Variants in ADAM32 observed in about 807,000 individuals in gnomAD.
ADAM32 encodes the protein disintegrin and metalloproteinase domain-containing protein 32.
In ADAM32, 89 loss-of-function variants were observed where a neutral mutation model predicts 114.9. The ratio of observed to expected loss-of-function variants is 0.77; its 90% CI spans 0.65 to 0.92. ADAM32 has a LOEUF of 0.92. Ranked by LOEUF, ADAM32 falls within the 40% of genes least tolerant of loss-of-function variation. The pLI, the probability that ADAM32 is intolerant of heterozygous loss-of-function variation, is 0.00. For missense variants in ADAM32, 870 were observed against 932.8 expected (o/e 0.93, Z 0.88); for synonymous variants, 285 against 307.5 (o/e 0.93, Z 0.77).
chr8:39,167,900 AC>A (rs1804943253), intron 9 of ADAM32: 1 of 152,074 alleles, frequency 6.6e-6, no homozygotes, highest in African/African-American at 2.4e-5. Flanking sequence ...GTATCCGGAA[AC>A]TTTGCTGAAT....
In ADAM32 at chr8:39,164,750, A is replaced by T. The variant is rs752980995; in HGVS notation, c.595-14A>T. ...TAATTTGTACTTAAATATAAAATTAATTCTGTTTTTCAGTATGATTACTGG... is the reference window on the plus strand; with the variant it reads ...TAATTTGTACTTAAATATAAAATTATTTCTGTTTTTCAGTATGATTACTGG... On this transcript the variant is annotated splice_polypyrimidine_tract_variant and intron_variant, in intron 7 of 24. Transcript: ENST00000379907. The T allele has an allele frequency of 2.6e-6, 4 of 1,546,926 alleles. No individual in the cohort carries two copies. Among genetic ancestry groups the T allele is most frequent in the African/African-American group, 1.4e-5 (1 of 72,656 alleles).
chr8:39,211,174 T>G lies in ADAM32; in HGVS notation c.1083T>G (p.Ser361Arg), dbSNP rs754204935. The change falls in exon 12 of 25, where the codon AGT becomes AGG. Residue 361 changes from serine (S) to arginine (R), a missense_variant. Transcript: ENST00000379907. The part of the protein sequence containing the change: ...VQSNGVKTFS[S>R]CSLRSFQNFI... The stretch of plus-strand genomic sequence containing the variant: ...CCAATGGTGTGAAGACTTTTAGCAG[T>G]TGCAGTTTGAGGAGCTTTCAAAATT... The G allele has an allele frequency of 6.2e-7, 1 of 1,602,086 alleles. No homozygotes were observed. The highest frequency in any genetic ancestry group is 1.7e-5 in the Admixed American group (1 of 57,750).
In ADAM32 at chr8:39,223,226, G is replaced by C; in HGVS notation, c.1513G>C (p.Val505Leu). ...CHDLDARCESVFGKGSRNAPF... is the reference protein window; with the variant it reads ...CHDLDARCESLFGKGSRNAPF... ...TGATCTCGATGCACGTTGTGAGAGT[G>C]TATTTGGAAAAGGTAATATCTTTTT... The change falls in exon 14 of 25, where the codon GTA becomes CTA. Residue 505 changes from valine (V) to leucine (L), a missense_variant. Transcript: ENST00000379907. The C allele has an allele frequency of 6.3e-7, 1 of 1,578,582 alleles. No homozygotes were observed. Among genetic ancestry groups the C allele is most frequent in the Non-Finnish European group, 8.6e-7 (1 of 1,164,684 alleles).
At chr8:39,138,018 T>C (rs1337641440) in intron 3 of ADAM32, among the ~76,000 whole-genome samples, 1 of 152,150 alleles carries the variant, frequency 6.6e-6, no homozygotes, top group Non-Finnish European at 1.5e-5. Flanking sequence ...GGATAGGGCA[T>C]GTGTATATCG....
intron 19 of ADAM32, among the ~76,000 whole-genome samples, chr8:39,260,484 G>A (rs2129450847): frequency 6.6e-6 from 1 of 152,148 alleles, no homozygotes; most frequent in East Asian, 1.9e-4. Flanking sequence ...CTTTTGTTAT[G>A]TTGAGGTATA....
At chr8:39,221,753 A>G in intron 13 of ADAM32, 51 bp downstream of exon 13, 2 of 1,396,770 alleles carry the variant, frequency 1.4e-6, no homozygotes, top group Non-Finnish European at 2.0e-6. Context: ...AATCATGTGC[A>G]GGGTACTTTA....
intron 14 of ADAM32, among the ~76,000 whole-genome samples, chr8:39,231,489 A>G (rs2129449277): frequency 6.6e-6 from 1 of 152,330 alleles, no homozygotes; most frequent in South Asian, 2.1e-4. Context: ...GTCCATGACA[A>G]TAAATGGGTG....
At chr8:39,283,300 T>C (rs1247902364) in intron 23 of ADAM32, among the ~76,000 whole-genome samples, 1 of 151,360 alleles carries the variant, frequency 6.6e-6, no homozygotes, top group Admixed American at 6.6e-5. Flanking sequence ...GCCTTAGATA[T>C]TTGGGAGGCT....
At chr8:39,187,550 C>A (rs548052532) in intron 11 of ADAM32, among the ~76,000 whole-genome samples, 21 of 152,296 alleles carry the variant, frequency 1.4e-4, no homozygotes, top group South Asian at 8.3e-4. Context: ...GGATTACAGG[C>A]GTGAGCCACC....
At chr8:39,198,917 G>GT (rs949713771) in intron 11 of ADAM32, among the ~76,000 whole-genome samples, 7 of 151,964 alleles carry the variant, frequency 4.6e-5, no homozygotes, top group African/African-American at 9.6e-5. Context: ...CAAATTCTTT[G>GT]TTTTTTTCTT....
chr8:39,169,919 T>C lies in ADAM32; in HGVS notation c.837T>C (p.Tyr279=), dbSNP rs763888051. Residue 279 remains tyrosine, a synonymous_variant, in exon 10 of 25, where the codon TAT becomes TAC. Transcript: ENST00000379907. ...AAATGTAAATTTATTTATTTAGTTA[T>C]ATGGATTATCCTCGTTATTTGGGAG... The part of the protein sequence containing the change: ...RPHDIAYLLI[Y]MDYPRYLGAV... 3 of 1,572,452 alleles carry C rather than the reference T, an allele frequency of 1.9e-6. No individual in the cohort carries two copies. The East Asian group carries it at 6.8e-5, about 35-fold the overall frequency.
intron 19 of ADAM32, among the ~76,000 whole-genome samples, chr8:39,265,067 C>T (rs182613767): frequency 2.0e-5 from 3 of 152,294 alleles, no homozygotes; most frequent in Non-Finnish European, 4.4e-5. Context: ...CTGCATAACA[C>T]TTTCAGGGGG....
chr8:39,186,896 G>A lies in ADAM32; in HGVS notation c.916-13G>A, dbSNP rs755472976. On this transcript the variant is annotated splice_polypyrimidine_tract_variant and intron_variant, in intron 10 of 24. Transcript: ENST00000379907. ...ATTATCTTTCCTTAGAATTTTCTTT[G>A]TTGTTATTATAGTACCCCAAGGAGA... is the stretch of plus-strand genomic sequence containing the variant. 1 of 1,560,178 alleles carries A rather than the reference G, an allele frequency of 6.4e-7. No homozygotes were observed.
At chr8:39,276,444 G>A (rs1319164082) in intron 22 of ADAM32, 1 of 152,134 alleles carries the variant, frequency 6.6e-6, no homozygotes, top group Admixed American at 6.5e-5. Flanking sequence ...AGCAATTGTG[G>A]GTTTTAGGTC....
chr8:39,272,412 A>C (rs1048053551), intron 20 of ADAM32, among the ~76,000 whole-genome samples: 7 of 152,198 alleles, frequency 4.6e-5, no homozygotes, highest in African/African-American at 1.7e-4. Context: ...TATTGTGCGA[A>C]CATCACAGAG....
chr8:39,279,894 G>A (rs1413128505), intron 22 of ADAM32, among the ~76,000 whole-genome samples: 1 of 152,146 alleles, frequency 6.6e-6, no homozygotes, highest in Admixed American at 6.5e-5. Context: ...GCATTGGGAG[G>A]ATGAGAGTAT....
intron 4 of ADAM32, among the ~76,000 whole-genome samples, chr8:39,148,256 C>A (rs996020538): frequency 1.3e-5 from 2 of 152,190 alleles, no homozygotes; most frequent in South Asian, 2.1e-4. Context: ...CTACCTCATT[C>A]ACTTTGTTCC....
intron 2 of ADAM32, among the ~76,000 whole-genome samples, chr8:39,129,050 A>C (rs1802279247): frequency 6.6e-6 from 1 of 151,360 alleles, no homozygotes; most frequent in African/African-American, 2.4e-5. Context: ...ATACACATAC[A>C]CATTGATTTT....
intron 14 of ADAM32, among the ~76,000 whole-genome samples, chr8:39,230,263 C>T (rs370195943): frequency 4.6e-5 from 7 of 152,252 alleles, no homozygotes; most frequent in African/African-American, 1.7e-4. Flanking sequence ...TTGCAAAGTG[C>T]TGCCCTTTTT....
Sources: allele counts gnomAD v4.1 joint callset (sites outside exome capture counted in the v4.1 genomes callset), GRCh38; gene constraint gnomAD v4.1.1; transcripts MANE v1.5; gene names NCBI Gene and HGNC (gene_info 2026-07-23, HGNC 2026-07-21).